The following DIP2C variants were observed in gnomAD, a reference collection of about 807,000 sequenced individuals.
DIP2C encodes DIP2 acetate--CoA ligase C (putative), also known as disco-interacting protein 2 homolog C.
A neutral mutation model predicts 192.4 loss-of-function variants in DIP2C; 33 were observed. The observed-to-expected ratio is 0.17, with a 90% CI of 0.13 to 0.23. The LOEUF (loss-of-function observed/expected upper bound fraction) is 0.23. Among genes scored for constraint, DIP2C ranks in the 10% least tolerant of loss-of-function variants. DIP2C has a pLI of 1.00. For synonymous variants in DIP2C, 979 were observed against 864.1 expected (o/e 1.13, Z -2.33); for missense variants, 1,537 against 2,110.1 (o/e 0.73, Z 5.32).
chr10:434,049 T>C (rs1367887142), intron 4 of DIP2C, among the ~76,000 whole-genome samples: 1 of 152,210 alleles, frequency 6.6e-6, no homozygotes, highest in Non-Finnish European at 1.5e-5. Context: ...GACACTATAC[T>C]GCTTTCTGGA....
At chr10:448,371 T>C (rs1478916470) in intron 3 of DIP2C, among the ~76,000 whole-genome samples, 2 of 143,480 alleles carry the variant, frequency 1.4e-5, no homozygotes, top group African/African-American at 5.3e-5. Flanking sequence ...CTCACTCCCG[T>C]CGATACTCAG....
chr10:341,373 C>A (rs751902420), intron 28 of DIP2C, 44 bp from the exon 29 acceptor site: 31 of 1,611,014 alleles, frequency 1.9e-5, no homozygotes, highest in Non-Finnish European at 2.3e-5. Context: ...ACCTGACACC[C>A]TCAGACACCC....
intron 34 of DIP2C, among the ~76,000 whole-genome samples, chr10:285,671 G>T (rs116339166): frequency 3.3e-5 from 5 of 152,238 alleles, no homozygotes; most frequent in Admixed American, 6.5e-5. Flanking sequence ...TTGAGATGAG[G>T]TGTCAAGAGA....
intron 24 of DIP2C, among the ~76,000 whole-genome samples, chr10:354,378 T>G (rs75884697): frequency 2.0e-5 from 3 of 152,152 alleles, no homozygotes; most frequent in Non-Finnish European, 4.4e-5. Flanking sequence ...CAGGGCCAGA[T>G]AGACCAGATG....
At position 415,806 on chromosome 10, in the gene DIP2C, T is replaced by C. The variant is rs2133109616; in HGVS notation, c.822A>G (p.Arg274=). 6.2e-7 allele frequency: 1 copy of C among 1,614,048 alleles called. No individual in the cohort carries two copies. The highest frequency in any genetic ancestry group is 8.5e-7 in the Non-Finnish European group (1 of 1,180,020). Residue 274 remains arginine (R), a synonymous_variant, in exon 7 of 37, where the codon CGA becomes CGG. Transcript: ENST00000280886. Reference sequence around the variant, plus strand: ...CTTCAAAGTCATCGACAAAGAATTCTCGTAAAGGTGGTCGTTTCGGTCGTT... The same window carrying C: ...CTTCAAAGTCATCGACAAAGAATTCCCGTAAAGGTGGTCGTTTCGGTCGTT... ...TLKRPKRPPL[R]EFFVDDFEEL...
chr10:548,219 C>CCG (rs1554897772), intron 1 of DIP2C, among the ~76,000 whole-genome samples: 1 of 130,534 alleles, frequency 7.7e-6, no homozygotes, highest in South Asian at 3.1e-4. Flanking sequence ...CCCCCCCCCC[C>CCG]ACAGGAAAGC....
intron 24 of DIP2C, among the ~76,000 whole-genome samples, chr10:353,511 T>C (rs568573161): frequency 1.3e-5 from 2 of 152,260 alleles, no homozygotes; most frequent in East Asian, 1.9e-4. Context: ...GCTTCCAGCC[T>C]CCCAAGTAGC....
Position 415,793 on chromosome 10 carries a change from C to T in DIP2C, c.835G>A (p.Asp279Asn), listed in dbSNP as rs1965590999. The T allele has an allele frequency of 6.2e-7, 1 of 1,613,910 alleles. No individual in the cohort carries two copies. Among genetic ancestry groups the T allele is most frequent in the Non-Finnish European group, 8.5e-7 (1 of 1,179,982 alleles). ...KRPPLREFFVDDFEELLEVQQ... is the reference protein window; with the variant it reads ...KRPPLREFFVNDFEELLEVQQ... ...CCTTCTAATAATTCTTCAAAGTCAT[C>T]GACAAAGAATTCTCGTAAAGGTGGT... The change falls in exon 7 of 37, where the codon GAT (aspartate) becomes AAT (asparagine). Residue 279 changes from aspartate (D) to asparagine (N), a missense_variant. By Grantham distance (23) the Asp-to-Asn change is conservative (BLOSUM62 1). Coordinates refer to ENST00000280886, the MANE Select transcript of DIP2C (RefSeq NM_014974.3).
chr10:575,098 G>C (rs1487498560), intron 1 of DIP2C, among the ~76,000 whole-genome samples: 1 of 152,060 alleles, frequency 6.6e-6, no homozygotes, highest in African/African-American at 2.4e-5. Flanking sequence ...AGGAACTAAA[G>C]GCTCACTACA....
intron 1 of DIP2C, among the ~76,000 whole-genome samples, chr10:521,755 T>C (rs1246188949): frequency 6.6e-6 from 1 of 152,196 alleles, no homozygotes; most frequent in Admixed American, 6.5e-5. Flanking sequence ...GCCAGCACTA[T>C]TTTTTGTTTG....
chr10:497,126 A>AAATCAATC (rs536485146), intron 1 of DIP2C, among the ~76,000 whole-genome samples: 1 of 151,864 alleles, frequency 6.6e-6, no homozygotes, highest in Non-Finnish European at 1.5e-5. Flanking sequence ...CTCCACCTCG[A>AAATCAATC]AATCAATCAA....
chr10:357,476 C>G (rs1241039765), intron 23 of DIP2C, among the ~76,000 whole-genome samples: 1 of 152,236 alleles, frequency 6.6e-6, no homozygotes. Flanking sequence ...TGCCTCGGTC[C>G]TGCGAGTCGT....
At position 538,071 on chromosome 10, in the gene DIP2C, C is replaced by T. The variant is rs531118397; in HGVS notation, c.86-51541G>A. ...CCCAAAAGTGCTGGGATAACAGCCACGAGCCACCGTGCCTGGCTGTGAATG... is the reference window on the plus strand; with the variant it reads ...CCCAAAAGTGCTGGGATAACAGCCATGAGCCACCGTGCCTGGCTGTGAATG... On this transcript the variant is annotated intron_variant, in intron 1 of 36. Transcript: ENST00000280886. Among the ~76,000 whole-genome samples the T allele has an allele frequency of 2.0e-3, 307 of 151,834 alleles. 1 individual carries two copies. Among genetic ancestry groups the T allele is most frequent in the Non-Finnish European group, 3.5e-3 (235 of 67,924 alleles).
At chr10:305,910 G>A (rs1205051715) in intron 32 of DIP2C, among the ~76,000 whole-genome samples, 1 of 151,576 alleles carries the variant, frequency 6.6e-6, no homozygotes, top group Non-Finnish European at 1.5e-5. Context: ...GCCTCCCAAA[G>A]CACTGGGATT....
At position 479,272 on chromosome 10, in the gene DIP2C, G is replaced by A. The variant is rs533555798; in HGVS notation, c.158-6723C>T. Among the ~76,000 whole-genome samples, 61 of 150,438 alleles carry A rather than the reference G, an allele frequency of 4.1e-4. 1 individual carries two copies. Among genetic ancestry groups the A allele is most frequent in the Non-Finnish European group, 7.4e-4 (50 of 67,752 alleles). On this transcript the variant is annotated intron_variant, in intron 2 of 36. Transcript: ENST00000280886. ...ACTGGGATGGGAACATCATACAATG[G>A]TAAGACTGAAATTCCATTCTAAGCA...
At chr10:285,184 GA>G in intron 34 of DIP2C, among the ~76,000 whole-genome samples, 1 of 147,596 alleles carries the variant, frequency 6.8e-6, no homozygotes, top group South Asian at 2.1e-4. Context: ...CAAGGCCCAA[GA>G]AGCAAAGCAA....
Position 650,461 on chromosome 10 carries a change from G to A in DIP2C, c.85+39033C>T, listed in dbSNP as rs985831198. The A allele has an allele frequency of 1.6e-5, 11 of 706,774 alleles. 1 individual carries two copies. The highest frequency in any genetic ancestry group is 6.0e-5 in the Admixed American group (3 of 49,976). 43.8% of individuals were successfully genotyped at this position (706,774 alleles called of 1,614,324 possible). On this transcript the variant is annotated intron_variant, in intron 1 of 36. Transcript: ENST00000280886. ...ATCTATGGTAGGTGACCCGGTTATCGTTCCTAAGAGAGTCCACGGCCACTT... is the reference window on the plus strand; with the variant it reads ...ATCTATGGTAGGTGACCCGGTTATCATTCCTAAGAGAGTCCACGGCCACTT...
chr10:288,251 A>G (rs1955256972), intron 33 of DIP2C, 113 bp downstream of exon 33: 1 of 1,070,468 alleles, frequency 9.3e-7, no homozygotes, highest in African/African-American at 1.6e-5. Flanking sequence ...TGTTACTTTC[A>G]AGAAATTGTT....
intron 31 of DIP2C, among the ~76,000 whole-genome samples, chr10:316,891 G>A (rs765397022): frequency 1.3e-5 from 2 of 152,082 alleles, no homozygotes; most frequent in Non-Finnish European, 2.9e-5. Flanking sequence ...TCTGCCATGG[G>A]AAAAACCACA....
Sources: allele counts gnomAD v4.1 joint callset (sites outside exome capture counted in the v4.1 genomes callset), GRCh38; gene constraint gnomAD v4.1.1; transcripts MANE v1.5; gene names NCBI Gene and HGNC (gene_info 2026-07-23, HGNC 2026-07-21).